Variants in MED29 observed in about 807,000 individuals in gnomAD.
MED29 encodes the protein mediator of RNA polymerase II transcription subunit 29.
A neutral mutation model predicts 22.0 loss-of-function variants in MED29; 14 were observed. The ratio of observed to expected loss-of-function variants is 0.64; its 90% CI spans 0.42 to 0.99. MED29 has a LOEUF of 0.99. Ranked by LOEUF, MED29 falls within the 50% of genes least tolerant of loss-of-function variation. MED29 has a pLI of 0.00. For missense variants in MED29, 241 were observed against 253.7 expected (o/e 0.95, Z 0.34); for synonymous variants, 123 against 107.8 (o/e 1.14, Z -0.87).
chr19:39,392,342 G>C, intron 1 of MED29, 122 bp from the exon 2 acceptor site: 1 of 814,896 alleles, frequency 1.2e-6, no homozygotes, highest in East Asian at 2.6e-5. Context: ...AAAGTCAGGA[G>C]GGAAGGTGCC....
chr19:39,395,442 C>T (rs767248357), intron 3 of MED29, among the ~76,000 whole-genome samples: 14 of 152,060 alleles, frequency 9.2e-5, no homozygotes, highest in African/African-American at 2.7e-4. Context: ...AGCCCAAGGG[C>T]GCAGCCATGG....
chr19:39,391,782 C>T, intron 1 of MED29, 144 bp downstream of exon 1: 3 of 1,027,688 alleles, frequency 2.9e-6, no homozygotes, highest in Non-Finnish European at 4.1e-6. Context: ...GCCTGTGTTC[C>T]CAGCACTTTG....
rs1437701266 is a variant in MED29, at chr19:39,399,586, C to G, written c.*1887C>G. On this transcript the variant is annotated 3_prime_UTR_variant, in exon 4 of 4. Transcript: ENST00000315588. ...TCCTTGTCATCTGGGCACCCTCACA[C>G]ATCTCCTTAACCACACTTAATCTCC... 6.6e-6 allele frequency: 1 copy of G among 152,312 alleles called. No homozygotes were observed. Among genetic ancestry groups the G allele is most frequent in the African/African-American group, 2.4e-5 (1 of 41,458 alleles). The allele number at this position is 152,312 out of a possible 1,614,324, so 9.4% of individuals were successfully genotyped here.
At chr19:39,392,587 T>C (rs2078395805) in intron 2 of MED29, 65 bp downstream of exon 2, 2 of 1,433,272 alleles carry the variant, frequency 1.4e-6, no homozygotes, top group African/African-American at 1.4e-5. Flanking sequence ...TCATCTTTCC[T>C]TCTCCTGCTC....
Sources: gnomAD v4.1 joint callset for allele counts (sites outside exome capture counted in the v4.1 genomes callset) on GRCh38, gnomAD v4.1.1 for gene constraint, MANE v1.5 for transcripts, NCBI Gene and HGNC (gene_info 2026-07-23, HGNC 2026-07-21) for gene names.